Variants in NKIRAS1 observed in about 807,000 individuals in gnomAD.
NKIRAS1 encodes NF-kappa-B inhibitor-interacting Ras-like protein 1.
NKIRAS1 carries 16 observed loss-of-function variants against 19.8 expected under a neutral mutation model. The observed-to-expected ratio is 0.81, with a 90% CI of 0.55 to 1.23. The LOEUF is 1.23. Among genes scored for constraint, NKIRAS1 ranks in the 50% most tolerant of loss-of-function variants. The pLI is 0.00. For synonymous variants in NKIRAS1, 88 were observed against 79.0 expected, an observed-to-expected ratio of 1.11 and a Z score of -0.61; for missense variants, 184 against 220.0, an observed-to-expected ratio of 0.84 and a Z score of 1.04.
At chr3:23,929,602 GT>G (rs1559515495) in intron 1 of NKIRAS1, among the ~76,000 whole-genome samples, 1 of 134,912 alleles carries the variant, frequency 7.4e-6, no homozygotes, top group Non-Finnish European at 1.6e-5. Flanking sequence ...AATTTTTTTT[GT>G]TGTTGTTGTT....
chr3:23,901,582 T>G (rs137867964), intron 3 of NKIRAS1, among the ~76,000 whole-genome samples: 1 of 152,220 alleles, frequency 6.6e-6, no homozygotes. Context: ...CTTTGTTTCA[T>G]TTGTGCAAGT....
chr3:23,914,584 C>T (rs1704111679), intron 1 of NKIRAS1, among the ~76,000 whole-genome samples: 1 of 152,162 alleles, frequency 6.6e-6, no homozygotes, highest in Admixed American at 6.6e-5. Flanking sequence ...CAGATTCTAG[C>T]TTACCATTCT....
intron 3 of NKIRAS1, among the ~76,000 whole-genome samples, chr3:23,902,532 A>G (rs1019152488): frequency 1.3e-5 from 2 of 152,234 alleles, no homozygotes; most frequent in African/African-American, 4.8e-5. Flanking sequence ...TTACAAATTA[A>G]TTTAAAAGCA....
chr3:23,918,015 C>T (rs749731223), upstream of NKIRAS1: 7 of 1,609,480 alleles, frequency 4.3e-6, no homozygotes, highest in Admixed American at 1.2e-4. Context: ...GCCGACTGGG[C>T]TACAAGGCCA....
At chr3:23,945,079 G>A (rs542016275) in intron 1 of NKIRAS1, among the ~76,000 whole-genome samples, 241 of 151,576 alleles carry the variant, frequency 1.6e-3, no homozygotes, top group African/African-American at 5.5e-3. Context: ...TTTACGGCAC[G>A]GAGGGGAAAA....
chr3:23,910,800 A>G lies in NKIRAS1; in HGVS notation c.94+11T>C, dbSNP rs765199591. 1.9e-6 allele frequency: 3 copies of G among 1,599,510 alleles called. No individual in the cohort carries two copies. The African/African-American group carries it at 4.0e-5, about 21-fold the overall frequency. ...AGAACCTAGAGACAAACTAGAGAAA[A>G]ACAATCTTACCAATAGTATGATTTC... On this transcript the variant is annotated intron_variant, in intron 3 of 4. Transcript: ENST00000425478.
chr3:23,897,428 ATTAC>A (rs760096853), intron 4 of NKIRAS1, among the ~76,000 whole-genome samples: 5 of 152,252 alleles, frequency 3.3e-5, no homozygotes, highest in African/African-American at 4.8e-5. Flanking sequence ...ATGTGCAAAC[ATTAC>A]TTATTCAATT....
upstream of NKIRAS1, chr3:23,920,754 T>C: frequency 3.1e-6 from 3 of 975,086 alleles, no homozygotes; most frequent in Non-Finnish European, 3.7e-6. Flanking sequence ...GACCTAAATT[T>C]CTTCACAAAA....
At chr3:23,930,099 G>A (rs1186260243) in intron 1 of NKIRAS1, among the ~76,000 whole-genome samples, 1 of 152,142 alleles carries the variant, frequency 6.6e-6, no homozygotes, top group South Asian at 2.1e-4. Flanking sequence ...AGGCATTGGA[G>A]AGCTAATAAG....
chr3:23,945,645 GC>G, intron 1 of NKIRAS1: 1 of 1,006,152 alleles, frequency 9.9e-7, no homozygotes. Context: ...AGCGCTCAGA[GC>G]CCGCGGGGCA....
intron 3 of NKIRAS1, among the ~76,000 whole-genome samples, chr3:23,902,903 C>T (rs1317869423): frequency 1.3e-5 from 2 of 152,208 alleles, no homozygotes; most frequent in African/African-American, 4.8e-5. Context: ...TGAAGTCCTC[C>T]GGCTTTCCCT....
intron 1 of NKIRAS1, chr3:23,946,156 G>A (rs1705694721): frequency 2.0e-6 from 2 of 985,058 alleles, no homozygotes; most frequent in Non-Finnish European, 1.2e-6. Context: ...CTGCGGAGGA[G>A]GCCGCGCGTG....
chr3:23,937,850 T>C (rs914829540), intron 1 of NKIRAS1, among the ~76,000 whole-genome samples: 6 of 152,196 alleles, frequency 3.9e-5, no homozygotes, highest in African/African-American at 1.4e-4. Flanking sequence ...GTTTTGGATT[T>C]TTATATATAC....
At chr3:23,920,094 G>A (rs1052514182), upstream of NKIRAS1, 94 of 985,780 alleles carry the variant, frequency 9.5e-5, no homozygotes, top group Non-Finnish European at 1.1e-4. Context: ...TTGAATGTGC[G>A]ATAAAATTAT....
At chr3:23,936,522 G>A (rs997092899) in intron 1 of NKIRAS1, among the ~76,000 whole-genome samples, 2 of 152,118 alleles carry the variant, frequency 1.3e-5, no homozygotes, top group African/African-American at 4.8e-5. Context: ...CATTAAATCT[G>A]AGGTAGAGCC....
At chr3:23,910,579 C>G (rs1703600023) in intron 3 of NKIRAS1, among the ~76,000 whole-genome samples, 1 of 152,212 alleles carries the variant, frequency 6.6e-6, no homozygotes, top group Non-Finnish European at 1.5e-5. Flanking sequence ...ATTGATCTAT[C>G]TATATTGGCC....
intron 4 of NKIRAS1, among the ~76,000 whole-genome samples, chr3:23,898,072 A>G (rs1012952124): frequency 1.3e-5 from 2 of 152,192 alleles, no homozygotes; most frequent in Non-Finnish European, 2.9e-5. Flanking sequence ...GTGAGTGTTC[A>G]TTGACCTTTC....
intron 3 of NKIRAS1, among the ~76,000 whole-genome samples, chr3:23,904,769 C>G (rs868370943): frequency 6.6e-6 from 1 of 152,084 alleles, no homozygotes; most frequent in Non-Finnish European, 1.5e-5. Context: ...AGAGACACAC[C>G]TTCTATGAAT....
At chr3:23,937,111 C>A (rs1185197279) in intron 1 of NKIRAS1, among the ~76,000 whole-genome samples, 1 of 152,028 alleles carries the variant, frequency 6.6e-6, no homozygotes, top group East Asian at 1.9e-4. Flanking sequence ...TTAGGAGAGG[C>A]CTGGGGTGGT....
Sources: allele counts gnomAD v4.1 joint callset (sites outside exome capture counted in the v4.1 genomes callset), GRCh38; gene constraint gnomAD v4.1.1; transcripts MANE v1.5; gene names NCBI Gene and HGNC (gene_info 2026-07-23, HGNC 2026-07-21).